The following ZCCHC17 variants were observed in gnomAD, a reference collection of about 807,000 sequenced individuals.
ZCCHC17 encodes zinc finger CCHC domain-containing protein 17.
A neutral mutation model predicts 30.6 loss-of-function variants in ZCCHC17; 18 were observed. The ratio of observed to expected loss-of-function variants is 0.59; its 90% CI spans 0.41 to 0.87. ZCCHC17 has a LOEUF of 0.87. ZCCHC17 is among the 40% of genes least tolerant of loss of function. The pLI is 0.00. For synonymous variants in ZCCHC17, 88 were observed against 92.4 expected, an observed-to-expected ratio of 0.95 and a Z score of 0.27; for missense variants, 263 against 284.2, an observed-to-expected ratio of 0.93 and a Z score of 0.54.
chr1:31,326,763 C>T (rs930182376), intron 3 of ZCCHC17, among the ~76,000 whole-genome samples: 2 of 152,062 alleles, frequency 1.3e-5, no homozygotes, highest in Non-Finnish European at 2.9e-5. Flanking sequence ...GCTCAGGGAG[C>T]CAAATAATTA....
rs543021604 is a variant in ZCCHC17 at position 31,324,442 on chromosome 1, C to T, written c.124+5276C>T. On this transcript the variant is annotated intron_variant, in intron 3 of 7. Coordinates refer to ENST00000344147, the MANE Select transcript of ZCCHC17 (RefSeq NM_016505.4). Reference sequence around the variant, plus strand: ...TGAGTTAGTGGGGTGGGAGCCCACCCTCATGGGTGCAGCTGCCGCCACCCA... The same window carrying T: ...TGAGTTAGTGGGGTGGGAGCCCACCTTCATGGGTGCAGCTGCCGCCACCCA... 3.3e-5 allele frequency among the ~76,000 whole-genome samples: 5 copies of T among 152,330 alleles called. No individual in the cohort carries two copies. The East Asian group carries it at 9.6e-4, about 29-fold the overall frequency.
intron 2 of ZCCHC17, 62 bp downstream of exon 2, chr1:31,310,226 T>G (rs1448016731): frequency 2.6e-6 from 4 of 1,557,158 alleles, no homozygotes; most frequent in Non-Finnish European, 2.7e-6. Context: ...GGGTGACAAC[T>G]GGGTTTGTTG....
At chr1:31,359,501 G>T (rs1376076372) in intron 7 of ZCCHC17, among the ~76,000 whole-genome samples, 1 of 152,190 alleles carries the variant, frequency 6.6e-6, no homozygotes, top group Non-Finnish European at 1.5e-5. Flanking sequence ...ACTCCAGCCT[G>T]AGTGACAAAG....
intron 3 of ZCCHC17, among the ~76,000 whole-genome samples, chr1:31,321,767 T>C (rs548231812): frequency 3.7e-4 from 57 of 152,324 alleles, no homozygotes; most frequent in African/African-American, 1.4e-3. Context: ...ACACCTGCCT[T>C]TTCCCTTTTA....
intron 2 of ZCCHC17, among the ~76,000 whole-genome samples, chr1:31,317,119 G>A (rs1009900381): frequency 6.7e-6 from 1 of 149,208 alleles, no homozygotes; most frequent in Non-Finnish European, 1.5e-5. Flanking sequence ...CTGCTTCCCA[G>A]GTTCAAGTGA....
At chr1:31,299,051 A>G (rs1646241142) in intron 1 of ZCCHC17, among the ~76,000 whole-genome samples, 1 of 152,246 alleles carries the variant, frequency 6.6e-6, no homozygotes, top group Admixed American at 6.5e-5. Flanking sequence ...AGGTCACAGT[A>G]ACCTTAGCAA....
At chr1:31,345,842 A>G (rs1326434358) in intron 5 of ZCCHC17, among the ~76,000 whole-genome samples, 1 of 151,664 alleles carries the variant, frequency 6.6e-6, no homozygotes, top group African/African-American at 2.4e-5. Flanking sequence ...TCACTATCAC[A>G]TGGGGGAAAT....
In ZCCHC17 at chr1:31,319,181, C is replaced by T. The variant is rs1417468259; in HGVS notation, c.124+15C>T. Reference sequence around the variant, plus strand: ...TCGGAAGCAAGGTAGGAGTTTATAACTTGAAATTCAGCCCTCTGATTCTAC... The same window carrying T: ...TCGGAAGCAAGGTAGGAGTTTATAATTTGAAATTCAGCCCTCTGATTCTAC... On this transcript the variant is annotated intron_variant, in intron 3 of 7. Coordinates refer to ENST00000344147, the MANE Select transcript of ZCCHC17 (RefSeq NM_016505.4). The T allele has an allele frequency of 1.2e-6, 2 of 1,604,296 alleles. No homozygotes were observed. The highest frequency in any genetic ancestry group is 1.7e-6 in the Non-Finnish European group (2 of 1,172,660).
At chr1:31,297,449 GC>G (rs942945273) in intron 1 of ZCCHC17, among the ~76,000 whole-genome samples, 2 of 152,180 alleles carry the variant, frequency 1.3e-5, no homozygotes, top group South Asian at 2.1e-4. Flanking sequence ...CCTACTGTAT[GC>G]CCCCCTGAGA....
intron 7 of ZCCHC17, among the ~76,000 whole-genome samples, chr1:31,354,212 T>C (rs1299525573): frequency 6.6e-6 from 1 of 152,194 alleles, no homozygotes; most frequent in African/African-American, 2.4e-5. Flanking sequence ...TGTGAATTGT[T>C]TTCTTAATTT....
chr1:31,307,854 CG>C (rs1646504652), intron 1 of ZCCHC17, among the ~76,000 whole-genome samples: 1 of 152,146 alleles, frequency 6.6e-6, no homozygotes, highest in Non-Finnish European at 1.5e-5. Context: ...GGATTACAGG[CG>C]TGAGCCACTG....
intron 3 of ZCCHC17, among the ~76,000 whole-genome samples, chr1:31,321,506 G>T (rs1182586755): frequency 6.6e-6 from 1 of 151,950 alleles, no homozygotes; most frequent in Admixed American, 6.5e-5. Flanking sequence ...ACAGAGTCTT[G>T]CTCTATTGCC....
intron 1 of ZCCHC17, among the ~76,000 whole-genome samples, chr1:31,298,320 C>A (rs1646217799): frequency 6.6e-6 from 1 of 151,860 alleles, no homozygotes; most frequent in African/African-American, 2.4e-5. Flanking sequence ...ACCATTCACT[C>A]ACTATCACGG....
intron 3 of ZCCHC17, among the ~76,000 whole-genome samples, chr1:31,324,249 G>T (rs866631164): frequency 6.6e-6 from 1 of 152,238 alleles, no homozygotes; most frequent in African/African-American, 2.4e-5. Flanking sequence ...GAAGTAGTAA[G>T]ATCACTTGAG....
chr1:31,307,221 C>T (rs1400680925), intron 1 of ZCCHC17, among the ~76,000 whole-genome samples: 1 of 151,696 alleles, frequency 6.6e-6, no homozygotes, highest in Non-Finnish European at 1.5e-5. Flanking sequence ...GATCCTCCCG[C>T]CTTAGCTTCC....
rs148438693 is a variant in ZCCHC17, at chr1:31,319,132, G to A, written c.90G>A (p.Gly30=). Residue 30 remains glycine (G), a synonymous_variant, in exon 3 of 8, where the codon GGG becomes GGA. Transcript: ENST00000344147. ...QGEVAMVTDY[G]AFIKIPGCRK... Reference sequence around the variant, plus strand: ...AGGTTGCTATGGTGACAGACTATGGGGCCTTTATCAAAATCCCAGGCTGTC... The same window carrying A: ...AGGTTGCTATGGTGACAGACTATGGAGCCTTTATCAAAATCCCAGGCTGTC... The A allele has an allele frequency of 2.1e-3, 3,342 of 1,610,090 alleles. 8 individuals are homozygous for A. The highest frequency in any genetic ancestry group is 2.5e-3 in the Non-Finnish European group (2,986 of 1,177,288).
intron 1 of ZCCHC17, among the ~76,000 whole-genome samples, chr1:31,298,110 C>T (rs767426618): frequency 6.6e-6 from 1 of 152,170 alleles, no homozygotes; most frequent in Non-Finnish European, 1.5e-5. Flanking sequence ...ATGTGGACCA[C>T]TTGGGATATG....
intron 1 of ZCCHC17, among the ~76,000 whole-genome samples, chr1:31,302,759 G>A (rs1362088687): frequency 1.3e-5 from 2 of 151,838 alleles, no homozygotes; most frequent in African/African-American, 4.8e-5. Context: ...TGTCAGAGGA[G>A]AGAGAGAGAG....
rs76746254 is a variant in ZCCHC17 at position 31,308,830 on chromosome 1, G to T, written c.-55-1214G>T. 2.3e-4 allele frequency among the ~76,000 whole-genome samples: 35 copies of T among 152,250 alleles called. No individual in the cohort carries two copies. The East Asian group carries it at 6.0e-3, about 26-fold the overall frequency. Reference sequence around the variant, plus strand: ...CCTCAGACCTACTGAACTGCAATCTGCATTTTCACATAATTCAGAAATAGT... The same window carrying T: ...CCTCAGACCTACTGAACTGCAATCTTCATTTTCACATAATTCAGAAATAGT... On this transcript the variant is annotated intron_variant, in intron 1 of 7. Transcript: ENST00000344147.
Sources: allele counts gnomAD v4.1 joint callset (sites outside exome capture counted in the v4.1 genomes callset), GRCh38; gene constraint gnomAD v4.1.1; transcripts MANE v1.5; gene names NCBI Gene and HGNC (gene_info 2026-07-23, HGNC 2026-07-21).